Variants in FANCC observed in about 807,000 individuals in gnomAD.
The protein encoded by FANCC is FA complementation group C, also known as Fanconi anemia group C protein.
In FANCC, 55 loss-of-function variants were observed where a neutral mutation model predicts 71.3. The ratio of observed to expected loss-of-function variants is 0.77; its 90% CI spans 0.62 to 0.97. The LOEUF is 0.97. Ranked by LOEUF, FANCC falls within the 50% of genes least tolerant of loss-of-function variation. The pLI, the probability that FANCC is intolerant of heterozygous loss-of-function variation, is 0.00. For synonymous variants in FANCC, 275 were observed against 244.9 expected (o/e 1.12, Z -1.15); for missense variants, 678 against 670.9 (o/e 1.01, Z -0.12).
intron 4 of FANCC, among the ~76,000 whole-genome samples, chr9:95,223,582 T>C (rs1829420181): frequency 6.6e-6 from 1 of 152,140 alleles, no homozygotes; most frequent in South Asian, 2.1e-4. Flanking sequence ...ATTCAACCTA[T>C]AACATAAGTA....
chr9:95,297,109 C>G (rs949742303), intron 1 of FANCC, among the ~76,000 whole-genome samples: 1 of 152,182 alleles, frequency 6.6e-6, no homozygotes, highest in African/African-American at 2.4e-5. Context: ...AGACCTGACA[C>G]TGAGAACTGA....
At chr9:95,208,752 G>C (rs189723586) in intron 4 of FANCC, among the ~76,000 whole-genome samples, 1 of 152,288 alleles carries the variant, frequency 6.6e-6, no homozygotes, top group East Asian at 1.9e-4. Context: ...ATGCTGATAA[G>C]GATGTATAAC....
chr9:95,158,322 A>C (rs1830558572), intron 6 of FANCC, among the ~76,000 whole-genome samples: 1 of 152,196 alleles, frequency 6.6e-6, no homozygotes, highest in Non-Finnish European at 1.5e-5. Flanking sequence ...TGATAGACTC[A>C]AAAAGCATAT....
intron 1 of FANCC, among the ~76,000 whole-genome samples, chr9:95,272,210 T>G (rs918157486): frequency 1.7e-4 from 26 of 151,910 alleles, no homozygotes; most frequent in African/African-American, 6.3e-4. Flanking sequence ...AGTTCTGGGA[T>G]TACAGTCACA....
intron 1 of FANCC, among the ~76,000 whole-genome samples, chr9:95,257,572 G>A (rs1269482608): frequency 1.3e-5 from 2 of 152,164 alleles, no homozygotes; most frequent in Non-Finnish European, 2.9e-5. Flanking sequence ...GCCCACAAGA[G>A]AAAGCAGGAA....
At chr9:95,137,425 C>T (rs1396389595) in intron 7 of FANCC, among the ~76,000 whole-genome samples, 2 of 152,076 alleles carry the variant, frequency 1.3e-5, no homozygotes, top group African/African-American at 4.8e-5. Flanking sequence ...CCTGATCTCA[C>T]GCTCACACCC....
chr9:95,213,917 T>C (rs1304739973), intron 4 of FANCC, among the ~76,000 whole-genome samples: 1 of 152,168 alleles, frequency 6.6e-6, no homozygotes, highest in African/African-American at 2.4e-5. Context: ...AAGGGATTAA[T>C]ACCTGGAATG....
chr9:95,220,385 T>A (rs1416605805), intron 4 of FANCC, among the ~76,000 whole-genome samples: 1 of 152,240 alleles, frequency 6.6e-6, no homozygotes, highest in African/African-American at 2.4e-5. Flanking sequence ...CCCAAAGGAT[T>A]ATAAATCATG....
At chr9:95,271,852 G>GT (rs552199881) in intron 1 of FANCC, among the ~76,000 whole-genome samples, 57 of 143,350 alleles carry the variant, frequency 4.0e-4, no homozygotes, top group Non-Finnish European at 7.3e-4. Flanking sequence ...CGCCTTAAAA[G>GT]TTTATCACCT....
intron 3 of FANCC, 135 bp downstream of exon 3, chr9:95,247,297 T>C (rs79717081): frequency 0.023 from 16,056 of 712,548 alleles, 278 homozygotes; most frequent in Middle Eastern, 0.051. Flanking sequence ...ATCTTTGTAA[T>C]AGAACAATGA....
chr9:95,278,870 A>C (rs1833205536), intron 1 of FANCC, among the ~76,000 whole-genome samples: 1 of 152,158 alleles, frequency 6.6e-6, no homozygotes, highest in South Asian at 2.1e-4. Context: ...TCATTAAAGA[A>C]ATTAAAATGC....
chr9:95,242,075 A>G (rs896295867), intron 3 of FANCC, among the ~76,000 whole-genome samples: 2 of 152,190 alleles, frequency 1.3e-5, no homozygotes, highest in Non-Finnish European at 2.9e-5. Context: ...TAATTTTTAA[A>G]CCCATTTTTT....
At chr9:95,119,027 T>C (rs183900658) in intron 10 of FANCC, among the ~76,000 whole-genome samples, 1 of 152,210 alleles carries the variant, frequency 6.6e-6, no homozygotes, top group Non-Finnish European at 1.5e-5. Context: ...CCACCAGCAA[T>C]GTATGTGAAT....
In FANCC at chr9:95,240,663, T is replaced by C. The variant is rs1411801331; in HGVS notation, c.331A>G (p.Asn111Asp). The change falls in exon 4 of 15, where the codon AAC (asparagine) becomes GAC (aspartate). Residue 111 changes from asparagine (N) to aspartate (D), a missense_variant. By Grantham distance (23) the Asn-to-Asp change is conservative. Coordinates refer to ENST00000289081, the MANE Select transcript of FANCC (RefSeq NM_000136.3). The stretch of plus-strand genomic sequence containing the variant: ...TACTCTCTTACCTGTATCCAGGAGT[T>C]AAGTTTTGATTGTCCAGAATTCTGT... ...EPQNSGQSKL[N>D]SWIQGVLSHI... 6.2e-7 allele frequency: 1 copy of C among 1,608,836 alleles called. No homozygotes were observed. Among genetic ancestry groups the C allele is most frequent in the Non-Finnish European group, 8.5e-7 (1 of 1,175,356 alleles).
At chr9:95,254,944 C>T (rs1034471150) in intron 1 of FANCC, among the ~76,000 whole-genome samples, 1 of 152,104 alleles carries the variant, frequency 6.6e-6, no homozygotes, top group African/African-American at 2.4e-5. Context: ...CCCCTGACAG[C>T]GTAAACAAAG....
chr9:95,188,092 C>G (rs1230517198), intron 4 of FANCC, among the ~76,000 whole-genome samples: 1 of 151,724 alleles, frequency 6.6e-6, no homozygotes. Flanking sequence ...GTTTCTCTGA[C>G]ACAGGCCAAA....
chr9:95,124,304 A>G (rs1281472321), intron 10 of FANCC, among the ~76,000 whole-genome samples: 1 of 152,078 alleles, frequency 6.6e-6, no homozygotes, highest in Non-Finnish European at 1.5e-5. Context: ...TCGACAGGCA[A>G]TGTGTCCCAT....
At chr9:95,155,697 A>G (rs1830430865) in intron 6 of FANCC, among the ~76,000 whole-genome samples, 1 of 151,216 alleles carries the variant, frequency 6.6e-6, no homozygotes, top group Non-Finnish European at 1.5e-5. Flanking sequence ...GCTGGATGGT[A>G]TCAGCTGAAA....
At chr9:95,260,010 G>C (rs1414958701) in intron 1 of FANCC, among the ~76,000 whole-genome samples, 1 of 152,214 alleles carries the variant, frequency 6.6e-6, no homozygotes, top group African/African-American at 2.4e-5. Context: ...ACGCCAGTTA[G>C]AATTGGCGAT....
Sources: gnomAD v4.1 joint callset for allele counts (sites outside exome capture counted in the v4.1 genomes callset) on GRCh38, gnomAD v4.1.1 for gene constraint, MANE v1.5 for transcripts, NCBI Gene and HGNC (gene_info 2026-07-23, HGNC 2026-07-21) for gene names.